MACROD2: variants seen among roughly 807,000 people sequenced by gnomAD.
The protein encoded by MACROD2 is mono-ADP ribosylhydrolase 2, also known as ADP-ribose glycohydrolase MACROD2.
Under a neutral mutation model 70.4 loss-of-function variants are expected in MACROD2, and 36 were observed. That is an observed-to-expected ratio of 0.51 (90% CI 0.39 to 0.68). The LOEUF (loss-of-function observed/expected upper bound fraction) is 0.68, where lower values mean the gene tolerates loss of function less well. Ranked by LOEUF, MACROD2 falls within the 30% of genes least tolerant of loss-of-function variation. MACROD2 has a pLI of 0.00. For synonymous variants in MACROD2, 172 were observed against 178.8 expected, an observed-to-expected ratio of 0.96 and a Z score of 0.30; for missense variants, 496 against 538.4, an observed-to-expected ratio of 0.92 and a Z score of 0.78.
intron 5 of MACROD2, among the ~76,000 whole-genome samples, chr20:14,751,100 A>G (rs2123735970): frequency 6.6e-6 from 1 of 152,254 alleles, no homozygotes; most frequent in Non-Finnish European, 1.5e-5. Flanking sequence ...TACTTGTTTC[A>G]TACTGGTGGA....
intron 8 of MACROD2, among the ~76,000 whole-genome samples, chr20:15,665,437 G>A (rs1161090177): frequency 6.6e-6 from 1 of 152,140 alleles, no homozygotes; most frequent in African/African-American, 2.4e-5. Context: ...ACACAAAATT[G>A]TCTTTCATTC....
chr20:15,399,212 T>C (rs1243801351), intron 6 of MACROD2, among the ~76,000 whole-genome samples: 1 of 152,128 alleles, frequency 6.6e-6, no homozygotes, highest in Non-Finnish European at 1.5e-5. Context: ...GTTGACACAG[T>C]TCCTAATAGA....
intron 3 of MACROD2, among the ~76,000 whole-genome samples, chr20:14,141,914 C>A (rs1343610496): frequency 4.6e-5 from 7 of 152,022 alleles, no homozygotes; most frequent in African/African-American, 1.7e-4. Flanking sequence ...TGAATGAATA[C>A]ATACGATGTT....
In MACROD2 at chr20:15,834,165, G is replaced by T. The variant is rs1336808470; in HGVS notation, c.646-28580G>T. On this transcript the variant is annotated intron_variant, in intron 8 of 17. Transcript: ENST00000684519. ...TACTATAAAGCATACAGAATTACTCGTTGTTATTTAAACACGCTGCAAAAA... is the reference window on the plus strand; with the variant it reads ...TACTATAAAGCATACAGAATTACTCTTTGTTATTTAAACACGCTGCAAAAA... 2.0e-5 allele frequency among the ~76,000 whole-genome samples: 3 copies of T among 152,024 alleles called. No individual in the cohort carries two copies. In the East Asian group the frequency reaches 5.8e-4, roughly 29 times the overall value.
At position 15,910,393 on chromosome 20, in the gene MACROD2, CATGT is replaced by C. The variant is rs1468090332; in HGVS notation, c.776-22882_776-22879del. Reference sequence around the variant, plus strand: ...ATTGTGATGTGGCCAAGTCAGAGGACATGTGTGTGTGTGTGTGTGTGTGTGTGTG... The same window carrying C: ...ATTGTGATGTGGCCAAGTCAGAGGACGTGTGTGTGTGTGTGTGTGTGTGTG... On this transcript the variant is annotated intron_variant, in intron 10 of 17. Coordinates refer to ENST00000684519, the MANE Select transcript of MACROD2 (RefSeq NM_001351661.2). Among the ~76,000 whole-genome samples, 981 of 105,778 alleles carry C rather than the reference CATGT, an allele frequency of 9.3e-3. 19 individuals carry two copies. The highest frequency in any genetic ancestry group is 0.028 in the African/African-American group (898 of 31,812). The allele number at this position is 105,778 out of a possible 152,430, so 69.4% of individuals were successfully genotyped here. A position where few individuals can be genotyped will look rare whatever the true frequency, so the allele number is the denominator to read the frequency against.
chr20:15,057,517 A>G (rs988207390), intron 5 of MACROD2, among the ~76,000 whole-genome samples: 2 of 152,206 alleles, frequency 1.3e-5, no homozygotes, highest in African/African-American at 2.4e-5. Flanking sequence ...GAGGCCATAT[A>G]TGGCCTTCTA....
chr20:15,597,756 A>G (rs2048764744), intron 8 of MACROD2, among the ~76,000 whole-genome samples: 1 of 152,180 alleles, frequency 6.6e-6, no homozygotes, highest in Non-Finnish European at 1.5e-5. Context: ...TTAACCCAGA[A>G]GGCAGTAGAA....
intron 4 of MACROD2, among the ~76,000 whole-genome samples, chr20:14,501,500 A>G (rs2123123641): frequency 6.6e-6 from 1 of 152,168 alleles, no homozygotes; most frequent in South Asian, 2.1e-4. Flanking sequence ...TAATATAGAA[A>G]AATTGTATGT....
chr20:14,075,036 G>A (rs747498485), intron 2 of MACROD2, among the ~76,000 whole-genome samples: 1 of 152,142 alleles, frequency 6.6e-6, no homozygotes, highest in South Asian at 2.1e-4. Context: ...TTGCACTGCC[G>A]GTGTTCAAGT....
chr20:14,084,474 T>C (rs2054050541), intron 2 of MACROD2, among the ~76,000 whole-genome samples: 1 of 152,194 alleles, frequency 6.6e-6, no homozygotes, highest in African/African-American at 2.4e-5. Flanking sequence ...TAAATCAGCT[T>C]TCCTGTAAGT....
At chr20:15,754,978 C>T (rs533693253) in intron 8 of MACROD2, among the ~76,000 whole-genome samples, 10 of 152,076 alleles carry the variant, frequency 6.6e-5, no homozygotes, top group African/African-American at 2.4e-4. Flanking sequence ...CCTACCTTAG[C>T]CTCCTGGGTA....
chr20:15,978,201 A>G (rs879808940), intron 13 of MACROD2, among the ~76,000 whole-genome samples: 16 of 152,048 alleles, frequency 1.1e-4, no homozygotes, highest in Non-Finnish European at 2.2e-4. Flanking sequence ...TTGTCCATGG[A>G]CCATACTTTT....
At chr20:15,563,253 C>G (rs2048268668) in intron 8 of MACROD2, among the ~76,000 whole-genome samples, 1 of 152,200 alleles carries the variant, frequency 6.6e-6, no homozygotes, top group South Asian at 2.1e-4. Flanking sequence ...AGATACTAGT[C>G]TAGCTTGCTG....
intron 8 of MACROD2, among the ~76,000 whole-genome samples, chr20:15,655,938 TTAAG>T (rs1456287209): frequency 6.6e-6 from 1 of 152,220 alleles, no homozygotes; most frequent in Non-Finnish European, 1.5e-5. Flanking sequence ...TTGTTACGAA[TTAAG>T]TCTTTACCAT....
At chr20:15,333,477 TGA>T (rs1274270164) in intron 6 of MACROD2, among the ~76,000 whole-genome samples, 4 of 151,490 alleles carry the variant, frequency 2.6e-5, no homozygotes, top group African/African-American at 7.3e-5. Flanking sequence ...GGATCAGAAC[TGA>T]GAGAGAAATT....
intron 5 of MACROD2, chr20:14,894,969 G>A (rs1192716469): frequency 6.6e-6 from 1 of 152,140 alleles, no homozygotes; most frequent in African/African-American, 2.4e-5. Context: ...GGTGGCAAGA[G>A]TTTTGATAAA....
At chr20:15,343,722 T>G (rs575373947) in intron 6 of MACROD2, among the ~76,000 whole-genome samples, 1 of 152,306 alleles carries the variant, frequency 6.6e-6, no homozygotes, top group Non-Finnish European at 1.5e-5. Flanking sequence ...TAATCAAACA[T>G]TCATCCTTCC....
At chr20:14,012,702 TA>T (rs2052929486) in intron 2 of MACROD2, among the ~76,000 whole-genome samples, 1 of 152,202 alleles carries the variant, frequency 6.6e-6, no homozygotes, top group South Asian at 2.1e-4. Context: ...GGTATTGCAC[TA>T]AACATGATAA....
intron 5 of MACROD2, among the ~76,000 whole-genome samples, chr20:15,200,239 A>G (rs2076644314): frequency 6.6e-6 from 1 of 152,182 alleles, no homozygotes; most frequent in Non-Finnish European, 1.5e-5. Context: ...CTGGGAATTC[A>G]CTGGTGACTG....
Sources: allele counts gnomAD v4.1 joint callset (sites outside exome capture counted in the v4.1 genomes callset), GRCh38; gene constraint gnomAD v4.1.1; transcripts MANE v1.5; gene names NCBI Gene and HGNC (gene_info 2026-07-23, HGNC 2026-07-21).